Variants in ETFA observed in about 807,000 individuals in gnomAD.
ETFA encodes electron transfer flavoprotein subunit alpha.
Under a neutral mutation model 46.2 loss-of-function variants are expected in ETFA, and 22 were observed. The observed-to-expected ratio is 0.48, with a 90% CI of 0.34 to 0.68. The LOEUF is 0.68. ETFA is among the 30% of genes least tolerant of loss of function. The pLI is 0.01. For missense variants in ETFA, 345 were observed against 401.1 expected, an observed-to-expected ratio of 0.86 and a Z score of 1.19; for synonymous variants, 131 against 139.9, an observed-to-expected ratio of 0.94 and a Z score of 0.45.
intron 9 of ETFA, among the ~76,000 whole-genome samples, chr15:76,256,327 A>C (rs2039345828): frequency 6.6e-6 from 1 of 151,818 alleles, no homozygotes. Flanking sequence ...ATGTATATTT[A>C]ATATTCTGTG....
intron 11 of ETFA, among the ~76,000 whole-genome samples, chr15:76,221,394 T>C (rs140365085): frequency 6.6e-6 from 1 of 152,350 alleles, no homozygotes; most frequent in African/African-American, 2.4e-5. Flanking sequence ...TTTGGCATGA[T>C]GAAATGTGTG....
At chr15:76,259,242 TTGA>T in intron 9 of ETFA, 1 of 1,556,972 alleles carries the variant, frequency 6.4e-7, no homozygotes, top group Non-Finnish European at 8.9e-7. Context: ...TCTCTCGATG[TTGA>T]TGTATAAGGG....
At chr15:76,268,189 C>CAAAAAAAAAAAAAAAAA (rs57096514) in intron 9 of ETFA, among the ~76,000 whole-genome samples, 1 of 107,080 alleles carries the variant, frequency 9.3e-6, no homozygotes, top group African/African-American at 3.2e-5. Context: ...CCAGCTACAG[C>CAAAAAAAAAAAAAAAAA]AAAAAAAAAA....
chr15:76,239,416 CTT>C (rs972851480), intron 9 of ETFA, among the ~76,000 whole-genome samples: 1 of 152,152 alleles, frequency 6.6e-6, no homozygotes, highest in South Asian at 2.1e-4. Flanking sequence ...AATTTACTCT[CTT>C]AGCAAATCTT....
At chr15:76,221,473 T>C (rs1284525025) in intron 11 of ETFA, among the ~76,000 whole-genome samples, 1 of 152,238 alleles carries the variant, frequency 6.6e-6, no homozygotes, top group East Asian at 1.9e-4. Flanking sequence ...GTGAGTTTTA[T>C]GGTACGTGAA....
intron 9 of ETFA, chr15:76,261,329 T>A: frequency 7.0e-7 from 1 of 1,424,668 alleles, no homozygotes; most frequent in Non-Finnish European, 9.9e-7. Flanking sequence ...GGCTGGGAGA[T>A]CTGGGTTTCG....
intron 1 of ETFA, among the ~76,000 whole-genome samples, chr15:76,302,976 G>T (rs1185136165): frequency 6.6e-6 from 1 of 152,066 alleles, no homozygotes; most frequent in Admixed American, 6.6e-5. Context: ...CTACCACACA[G>T]GCCAAACTCT....
intron 11 of ETFA, among the ~76,000 whole-genome samples, chr15:76,223,146 C>T (rs1253682060): frequency 6.6e-6 from 1 of 151,078 alleles, no homozygotes; most frequent in Non-Finnish European, 1.5e-5. Context: ...TCCCAAACTG[C>T]ATTTTTTAAG....
At chr15:76,259,108 G>C in intron 9 of ETFA, 1 of 1,529,612 alleles carries the variant, frequency 6.5e-7, no homozygotes, top group Non-Finnish European at 9.1e-7. Flanking sequence ...CCAGGGGTGA[G>C]GATGTATCAA....
chr15:76,306,779 A>G (rs539092570), intron 1 of ETFA, among the ~76,000 whole-genome samples: 6 of 152,224 alleles, frequency 3.9e-5, no homozygotes, highest in Non-Finnish European at 8.8e-5. Context: ...CAGAAATGTT[A>G]TATGACATTG....
At chr15:76,222,194 T>A (rs944181410) in intron 11 of ETFA, among the ~76,000 whole-genome samples, 1 of 149,408 alleles carries the variant, frequency 6.7e-6, no homozygotes, top group Non-Finnish European at 1.5e-5. Flanking sequence ...TGTTTCTTAA[T>A]GTTATATAAA....
chr15:76,241,704 A>C (rs2039191785), intron 9 of ETFA, among the ~76,000 whole-genome samples: 1 of 144,436 alleles, frequency 6.9e-6, no homozygotes, highest in Non-Finnish European at 1.5e-5. Flanking sequence ...CGGGAGGCTG[A>C]GGCAGGAGAA....
chr15:76,252,807 T>C (rs2039311334), intron 9 of ETFA, among the ~76,000 whole-genome samples: 1 of 151,904 alleles, frequency 6.6e-6, no homozygotes, highest in African/African-American at 2.4e-5. Flanking sequence ...AGGAAATACA[T>C]ACTGAGGTCT....
At chr15:76,216,764 T>C (rs1156945255) in intron 11 of ETFA, among the ~76,000 whole-genome samples, 167 bp from the exon 12 acceptor site, 1 of 150,698 alleles carries the variant, frequency 6.6e-6, no homozygotes, top group East Asian at 1.9e-4. Context: ...GTAGTCTCTC[T>C]TCCCACCCAG....
At chr15:76,234,636 C>T (rs1033895105) in intron 9 of ETFA, among the ~76,000 whole-genome samples, 2 of 152,018 alleles carry the variant, frequency 1.3e-5, no homozygotes, top group Non-Finnish European at 2.9e-5. Context: ...AGATAGGCCT[C>T]GTGGCTTTAG....
At chr15:76,296,332 T>C (rs2039822855) in intron 1 of ETFA, among the ~76,000 whole-genome samples, 1 of 152,190 alleles carries the variant, frequency 6.6e-6, no homozygotes, top group Non-Finnish European at 1.5e-5. Context: ...AAAACAACTT[T>C]CCCACTAATC....
chr15:76,253,656 T>G (rs2039322382), intron 9 of ETFA, among the ~76,000 whole-genome samples: 1 of 152,204 alleles, frequency 6.6e-6, no homozygotes, highest in Non-Finnish European at 1.5e-5. Context: ...AAAGAAATAC[T>G]GAATTATTCC....
Position 76,255,077 on chromosome 15 carries a change from C to G in ETFA, c.816+19335G>C, listed in dbSNP as rs118119371. Among the ~76,000 whole-genome samples the G allele has an allele frequency of 5.7e-3, 870 of 152,040 alleles. 29 individuals are homozygous for G. Among genetic ancestry groups the G allele is most frequent in the East Asian group, 0.044 (228 of 5,188 alleles). On this transcript the variant is annotated intron_variant, in intron 9 of 11. Coordinates refer to ENST00000557943, the MANE Select transcript of ETFA (RefSeq NM_000126.4). ...AATAGAGAAGACTAACTTTCTCAAC[C>G]CACTGCAGCAACAACCATGTCTAAA...
chr15:76,305,972 T>A (rs1596229540), intron 1 of ETFA, among the ~76,000 whole-genome samples: 1 of 151,436 alleles, frequency 6.6e-6, no homozygotes, highest in Non-Finnish European at 1.5e-5. Flanking sequence ...CTCAGCCACA[T>A]GAGTAGCTGT....
Sources: gnomAD v4.1 joint callset for allele counts (sites outside exome capture counted in the v4.1 genomes callset) on GRCh38, gnomAD v4.1.1 for gene constraint, MANE v1.5 for transcripts, NCBI Gene and HGNC (gene_info 2026-07-23, HGNC 2026-07-21) for gene names.